Variants in KLRG1 observed in about 807,000 individuals in gnomAD.
The protein encoded by KLRG1 is killer cell lectin like receptor G1, also known as killer cell lectin-like receptor subfamily G member 1.
Under a neutral mutation model 21.8 loss-of-function variants are expected in KLRG1, and 16 were observed. That is an observed-to-expected ratio of 0.73 (90% CI 0.50 to 1.11). The LOEUF (loss-of-function observed/expected upper bound fraction) is 1.11. Ranked by LOEUF, KLRG1 falls within the 50% of genes most tolerant of loss-of-function variation. The pLI is 0.00. For synonymous variants in KLRG1, 69 were observed against 75.9 expected (o/e 0.91, Z 0.47); for missense variants, 173 against 218.3 (o/e 0.79, Z 1.31).
chr12:9,007,138 A>C (rs1947495865), intron 3 of KLRG1, among the ~76,000 whole-genome samples: 1 of 152,240 alleles, frequency 6.6e-6, no homozygotes, highest in Non-Finnish European at 1.5e-5. Context: ...GAATGGAAAC[A>C]GGACTGAAAC....
the KLRG1 span, among the ~76,000 whole-genome samples, chr12:9,015,840 A>C: frequency 2.6e-5 from 4 of 152,222 alleles, no homozygotes; most frequent in Non-Finnish European, 4.4e-5. Context: ...AAAAACTAGA[A>C]GTCAGTAACA....
At chr12:9,070,043 A>G in the KLRG1 span, among the ~76,000 whole-genome samples, 149 of 152,372 alleles carry the variant, frequency 9.8e-4, no homozygotes, top group Middle Eastern at 3.4e-3. Context: ...AAAGACAGCT[A>G]AGTATCCTAA....
chr12:9,054,293 C>G, the KLRG1 span, among the ~76,000 whole-genome samples: 676 of 152,162 alleles, frequency 4.4e-3, 9 homozygotes, highest in African/African-American at 0.015. Flanking sequence ...TTTCTGTGAT[C>G]AGATATATGC....
At chr12:9,073,019 A>C in the KLRG1 span, 1 of 633,834 alleles carries the variant, frequency 1.6e-6, no homozygotes, top group East Asian at 2.7e-5. Context: ...GATTGATTAT[A>C]ATCTTTAGAT....
At chr12:9,136,318 A>G in the KLRG1 span, among the ~76,000 whole-genome samples, 1 of 152,188 alleles carries the variant, frequency 6.6e-6, no homozygotes, top group Non-Finnish European at 1.5e-5. Flanking sequence ...TTTCCTGGGT[A>G]AAAGTATTTT....
the KLRG1 span, chr12:9,068,761 CT>C: frequency 6.2e-7 from 1 of 1,606,740 alleles, no homozygotes; most frequent in African/African-American, 1.3e-5. Context: ...TAATCATAGA[CT>C]TTCACTATGG....
the KLRG1 span, among the ~76,000 whole-genome samples, chr12:9,061,893 AG>A: frequency 3.9e-4 from 59 of 152,270 alleles, no homozygotes; most frequent in Non-Finnish European, 7.4e-5. Context: ...TTTCGTAGCT[AG>A]TGTTGGGACA....
At chr12:9,106,470 A>T in the KLRG1 span, 1 of 1,503,846 alleles carries the variant, frequency 6.6e-7, no homozygotes, top group Non-Finnish European at 9.2e-7. Context: ...GTTTTCTCTT[A>T]TACCCATGTA....
At chr12:9,076,932 G>A in the KLRG1 span, 1 of 1,587,880 alleles carries the variant, frequency 6.3e-7, no homozygotes, top group African/African-American at 1.3e-5. Flanking sequence ...GCGGACAACA[G>A]GGTGCTGTGA....
At chr12:9,026,135 G>C in the KLRG1 span, among the ~76,000 whole-genome samples, 1 of 152,174 alleles carries the variant, frequency 6.6e-6, no homozygotes, top group Non-Finnish European at 1.5e-5. Context: ...AGGATGGAGG[G>C]AGAGGATGTT....
the KLRG1 span, chr12:9,090,564 T>C: frequency 2.4e-5 from 35 of 1,473,940 alleles, no homozygotes; most frequent in South Asian, 4.3e-4. Flanking sequence ...TCTTGAGGAA[T>C]TGGTTAGATT....
intron 1 of KLRG1, chr12:8,990,268 T>G (rs1293585189): frequency 1.3e-5 from 2 of 152,072 alleles, no homozygotes; most frequent in Non-Finnish European, 2.9e-5. Flanking sequence ...CAGATAATAG[T>G]CTCTGTGACT....
chr12:9,011,022 T>A (rs1395981491), downstream of KLRG1, among the ~76,000 whole-genome samples: 3 of 152,144 alleles, frequency 2.0e-5, no homozygotes, highest in South Asian at 2.1e-4. Context: ...GACTCTCAAT[T>A]AAGGATGTAA....
intron 3 of KLRG1, among the ~76,000 whole-genome samples, chr12:9,001,526 C>G (rs953584714): frequency 6.6e-6 from 1 of 152,154 alleles, no homozygotes; most frequent in Non-Finnish European, 1.5e-5. Flanking sequence ...CTGAAATAAA[C>G]TAGCCCCAGC....
chr12:8,998,392 T>G (rs746251538), intron 3 of KLRG1, among the ~76,000 whole-genome samples: 1 of 151,852 alleles, frequency 6.6e-6, no homozygotes, highest in Admixed American at 6.6e-5. Flanking sequence ...CAGAGCCAAA[T>G]TTTAAATTCT....
intron 1 of KLRG1, among the ~76,000 whole-genome samples, chr12:8,960,238 T>A (rs1474185441): frequency 6.6e-6 from 1 of 152,186 alleles, no homozygotes; most frequent in East Asian, 1.9e-4. Flanking sequence ...CCAGTTTCAC[T>A]GAGCTTCAGA....
At chr12:9,031,573 T>G in the KLRG1 span, among the ~76,000 whole-genome samples, 2 of 151,974 alleles carry the variant, frequency 1.3e-5, no homozygotes, top group Non-Finnish European at 2.9e-5. Flanking sequence ...ACAAAAAGAG[T>G]CAAACTCTAT....
chr12:9,054,505 A>G, the KLRG1 span, among the ~76,000 whole-genome samples: 1 of 152,144 alleles, frequency 6.6e-6, no homozygotes, highest in Non-Finnish European at 1.5e-5. Context: ...CAAGCATACA[A>G]CGTGTAATGA....
the KLRG1 span, chr12:9,089,192 A>G: frequency 6.4e-7 from 1 of 1,574,090 alleles, no homozygotes; most frequent in Non-Finnish European, 8.7e-7. Flanking sequence ...ATGATGGTTG[A>G]CTCTTACCTG....
Sources: allele counts gnomAD v4.1 joint callset (sites outside exome capture counted in the v4.1 genomes callset), GRCh38; gene constraint gnomAD v4.1.1; transcripts MANE v1.5; gene names NCBI Gene and HGNC (gene_info 2026-07-23, HGNC 2026-07-21).